Variants in ZNF782 observed in about 807,000 individuals in gnomAD.
ZNF782 encodes zinc finger protein 782.
Under a neutral mutation model 13.0 loss-of-function variants are expected in ZNF782, and 12 were observed. That is an observed-to-expected ratio of 0.92 (90% CI 0.59 to 1.50). ZNF782 has a LOEUF of 1.50. Ranked by LOEUF, ZNF782 falls within the 40% of genes most tolerant of loss-of-function variation. The probability of loss-of-function intolerance (pLI) is 0.00; values close to 1 mark genes in which losing one functional copy is unlikely to be tolerated. For missense variants in ZNF782, 770 were observed against 822.9 expected (o/e 0.94, Z 0.79); for synonymous variants, 284 against 283.0 (o/e 1.00, Z -0.04).
intron 3 of ZNF782, among the ~76,000 whole-genome samples, chr9:96,851,559 A>G (rs1033236690): frequency 6.6e-6 from 1 of 152,238 alleles, no homozygotes; most frequent in Non-Finnish European, 1.5e-5. Flanking sequence ...TTATTACCAT[A>G]AAGTGCTAGG....
rs1027452118 is a variant in ZNF782 at position 96,872,664 on chromosome 9, C to A, written c.-457+2804G>T. 2.6e-5 allele frequency among the ~76,000 whole-genome samples: 4 copies of A among 152,254 alleles called. No homozygotes were observed. In the East Asian group the frequency reaches 7.7e-4, roughly 29 times the overall value. ...ATTTTTATAAGTTGCCTGGACTATT[C>A]ACAAATTGGTTTAATCCATGCCTCT... On this transcript the variant is annotated intron_variant, in intron 1 of 5. Coordinates refer to the ZNF782 transcript ENST00000498811.
At chr9:96,898,640 G>A in the ZNF782 span, among the ~76,000 whole-genome samples, 66 of 146,952 alleles carry the variant, frequency 4.5e-4, 1 homozygote, top group Admixed American at 1.3e-3. Flanking sequence ...TCTGCCTCCC[G>A]GGCTCAAGCG....
chr9:96,854,785 A>C (rs78977470), upstream of ZNF782, among the ~76,000 whole-genome samples: 1 of 149,808 alleles, frequency 6.7e-6, no homozygotes, highest in African/African-American at 2.5e-5. Context: ...TTGAACCAAC[A>C]TTTTTTTTTT....
chr9:96,927,615 G>T, the ZNF782 span, among the ~76,000 whole-genome samples: 3 of 152,098 alleles, frequency 2.0e-5, no homozygotes, highest in African/African-American at 7.2e-5. Flanking sequence ...CACTTTTTTG[G>T]GAAGAGTTAC....
intron 1 of ZNF782, among the ~76,000 whole-genome samples, chr9:96,873,769 C>T (rs1348757636): frequency 6.6e-6 from 1 of 152,178 alleles, no homozygotes; most frequent in Non-Finnish European, 1.5e-5. Flanking sequence ...GGCTTGAATT[C>T]TAGAAGGCAA....
At chr9:96,846,801 A>G (rs1056897004) in intron 3 of ZNF782, among the ~76,000 whole-genome samples, 3 of 152,200 alleles carry the variant, frequency 2.0e-5, no homozygotes, top group Non-Finnish European at 2.9e-5. Context: ...AAAGCCAACA[A>G]AGAAACAATC....
At chr9:96,883,193 G>A in the ZNF782 span, among the ~76,000 whole-genome samples, 4 of 152,154 alleles carry the variant, frequency 2.6e-5, no homozygotes, top group Non-Finnish European at 4.4e-5. Flanking sequence ...CATGGTGACA[G>A]GATGTTTTCA....
At chr9:96,824,173 G>A (rs1274688795) in intron 5 of ZNF782, among the ~76,000 whole-genome samples, 2 of 149,868 alleles carry the variant, frequency 1.3e-5, no homozygotes, top group Non-Finnish European at 3.0e-5. Flanking sequence ...CTGGCAAACC[G>A]AATCCAGCAG....
chr9:96,837,992 T>C (rs1355106771), intron 4 of ZNF782, among the ~76,000 whole-genome samples: 1 of 152,180 alleles, frequency 6.6e-6, no homozygotes, highest in African/African-American at 2.4e-5. Flanking sequence ...TTTCAAAGTG[T>C]TGGGATTATA....
rs1227644315 is a variant in ZNF782, at chr9:96,816,832, G to T, written c.*1091C>A. On this transcript the variant is annotated 3_prime_UTR_variant, in exon 6 of 6. Coordinates refer to ENST00000481138, the MANE Select transcript of ZNF782 (RefSeq NM_001001662.3). Reference sequence around the variant, plus strand: ...ACCTGTCTGATGAGGAAGACTTTGGGGATAAAAGCCATGGTCATTCAGGAT... The same window carrying T: ...ACCTGTCTGATGAGGAAGACTTTGGTGATAAAAGCCATGGTCATTCAGGAT... 1 of 152,120 alleles carries T rather than the reference G, an allele frequency of 6.6e-6. No homozygotes were observed. The highest frequency in any genetic ancestry group is 1.5e-5 in the Non-Finnish European group (1 of 68,018). The allele number at this position is 152,120 out of a possible 1,614,324, so 9.4% of individuals were successfully genotyped here. A position where few individuals can be genotyped will look rare whatever the true frequency, so the allele number is the denominator to read the frequency against.
chr9:96,874,949 C>G (rs924510566), intron 1 of ZNF782, among the ~76,000 whole-genome samples: 1 of 152,226 alleles, frequency 6.6e-6, no homozygotes, highest in Non-Finnish European at 1.5e-5. Flanking sequence ...TCTGACCAGA[C>G]ACTACCAGAA....
In ZNF782 at chr9:96,817,993, T is replaced by C; in HGVS notation, c.2030A>G (p.Asp677Gly). ...TTGACTGAAAGTTCTCCCACATTTA[T>C]CACATTTATAGGGTTTCTCCCCTGT... is the stretch of plus-strand genomic sequence containing the variant. ...THTGEKPYKCDKCGRTFSQKS... is the reference protein window; with the variant it reads ...THTGEKPYKCGKCGRTFSQKS... The change falls in exon 6 of 6, where the codon GAT becomes GGT. Residue 677 changes from aspartate (D) to glycine (G), a missense_variant. Transcript: ENST00000481138. 6.2e-7 allele frequency: 1 copy of C among 1,608,868 alleles called. No homozygotes were observed. Among genetic ancestry groups the C allele is most frequent in the Admixed American group, 1.7e-5 (1 of 58,744 alleles).
the ZNF782 span, among the ~76,000 whole-genome samples, chr9:96,896,700 C>T: frequency 2.0e-5 from 3 of 152,294 alleles, no homozygotes; most frequent in East Asian, 5.8e-4. Flanking sequence ...CAAAAAGCTG[C>T]TAGTTTTAAG....
chr9:96,925,859 G>C, the ZNF782 span, among the ~76,000 whole-genome samples: 7,035 of 147,740 alleles, frequency 0.048, 497 homozygotes, highest in African/African-American at 0.16. Flanking sequence ...TTCCTCTACT[G>C]TTCAGTGATT....
chr9:96,821,169 C>T (rs1850404663), intron 5 of ZNF782, among the ~76,000 whole-genome samples: 2 of 152,212 alleles, frequency 1.3e-5, no homozygotes, highest in South Asian at 4.1e-4. Flanking sequence ...CTTAAATATA[C>T]TGCCTTAGTG....
At chr9:96,889,309 C>G in the ZNF782 span, 2 of 152,194 alleles carry the variant, frequency 1.3e-5, no homozygotes, top group African/African-American at 2.4e-5. Flanking sequence ...CCATCTCTTT[C>G]TCTATCCAGC....
chr9:96,858,071 T>C (rs1329283364), upstream of ZNF782, among the ~76,000 whole-genome samples: 2 of 152,222 alleles, frequency 1.3e-5, no homozygotes, highest in East Asian at 1.9e-4. The surrounding 1 kb of genome is among the most constrained non-coding windows in gnomAD (Gnocchi z 4.4). Flanking sequence ...TTTGAAATAA[T>C]TGGCCGCTGA....
At chr9:96,917,887 C>CGTGTGTGTGTCTGTGTGTGTGT in the ZNF782 span, among the ~76,000 whole-genome samples, 158 of 121,710 alleles carry the variant, frequency 1.3e-3, 3 homozygotes, top group Non-Finnish European at 1.8e-3. Context: ...CCACCCTTGG[C>CGTGTGTGTGTCTGTGTGTGTGT]GTGTGTGTGT....
the ZNF782 span, among the ~76,000 whole-genome samples, chr9:96,911,189 C>G: frequency 6.9e-6 from 1 of 145,244 alleles, no homozygotes; most frequent in Admixed American, 6.9e-5. Context: ...CCTGTAATCC[C>G]AGCACTTTGG....
Sources: gnomAD v4.1 joint callset for allele counts (sites outside exome capture counted in the v4.1 genomes callset) on GRCh38, gnomAD v4.1.1 for gene constraint, Gnocchi (gnomAD v3.1) non-coding constraint, MANE v1.5 for transcripts, NCBI Gene and HGNC (gene_info 2026-07-23, HGNC 2026-07-21) for gene names.